Variants in BTRC observed in about 807,000 individuals in gnomAD.
BTRC encodes the protein F-box/WD repeat-containing protein 1A.
A neutral mutation model predicts 85.5 loss-of-function variants in BTRC; 42 were observed. The observed-to-expected ratio is 0.49, with a 90% confidence interval of 0.38 to 0.64. The LOEUF is 0.64. Among genes scored for constraint, BTRC ranks in the 30% least tolerant of loss-of-function variants. BTRC has a pLI of 0.00. For missense variants in BTRC, 594 were observed against 743.5 expected (o/e 0.80, Z 2.34); for synonymous variants, 255 against 263.3 (o/e 0.97, Z 0.30).
At chr10:101,536,755 T>C (rs1399391580) in intron 12 of BTRC, 102 bp downstream of exon 12, 11 of 833,390 alleles carry the variant, frequency 1.3e-5, no homozygotes, top group Admixed American at 5.0e-5. Context: ...TAAAAGCTTA[T>C]AGATTTTACA....
intron 3 of BTRC, 64 bp downstream of exon 3, chr10:101,462,122 A>C (rs1406321632): frequency 4.9e-6 from 5 of 1,014,472 alleles, no homozygotes; most frequent in Middle Eastern, 2.2e-4. Context: ...ACAGGAGGAA[A>C]CCCTTGATTT....
chr10:101,543,377 A>G (rs753570822), intron 13 of BTRC, among the ~76,000 whole-genome samples: 9 of 150,898 alleles, frequency 6.0e-5, no homozygotes, highest in Non-Finnish European at 8.8e-5. Context: ...GTATCTTACT[A>G]TATTCTTTTA....
At chr10:101,546,959 C>T (rs1173287396) in intron 13 of BTRC, among the ~76,000 whole-genome samples, 4 of 152,214 alleles carry the variant, frequency 2.6e-5, no homozygotes, top group Non-Finnish European at 4.4e-5. Flanking sequence ...TATCAATTTT[C>T]TGTTATCTCT....
chr10:101,478,626 A>C (rs1359319391), intron 3 of BTRC, among the ~76,000 whole-genome samples: 2 of 151,702 alleles, frequency 1.3e-5, no homozygotes, highest in Admixed American at 1.3e-4. Context: ...CCCCATCTCT[A>C]CAAAAAATAC....
intron 2 of BTRC, among the ~76,000 whole-genome samples, chr10:101,441,569 T>C (rs1293948321): frequency 6.6e-6 from 1 of 152,154 alleles, no homozygotes; most frequent in Non-Finnish European, 1.5e-5. Flanking sequence ...TGCTTTTACT[T>C]TGTTGGTTCT....
chr10:101,389,277 A>T (rs191288952), intron 1 of BTRC, among the ~76,000 whole-genome samples: 1 of 151,550 alleles, frequency 6.6e-6, no homozygotes, highest in Non-Finnish European at 1.5e-5. Context: ...TATCTGTTCT[A>T]CTTCCAAAAT....
intron 1 of BTRC, among the ~76,000 whole-genome samples, chr10:101,369,252 C>T (rs373340953): frequency 2.3e-4 from 35 of 151,096 alleles, no homozygotes; most frequent in African/African-American, 8.5e-4. Flanking sequence ...GGTTCTTGCC[C>T]TCTTGTCCAG....
Position 101,502,106 on chromosome 10 carries a change from A to G in BTRC, c.325-19533A>G, listed in dbSNP as rs926074221. On this transcript the variant is annotated intron_variant, in intron 4 of 14. Transcript: ENST00000370187. ...AGTTTTTCTGCCTATTTCTGAGAGA[A>G]AGGAAAGTGGATGCTGACAACAGCC... Among the ~76,000 whole-genome samples the G allele has an allele frequency of 2.6e-5, 4 of 152,190 alleles. 1 individual carries two copies. The highest frequency in any genetic ancestry group is 9.7e-5 in the African/African-American group (4 of 41,446).
At chr10:101,366,376 A>T (rs1394896064) in intron 1 of BTRC, among the ~76,000 whole-genome samples, 1 of 152,146 alleles carries the variant, frequency 6.6e-6, no homozygotes, top group African/African-American at 2.4e-5. Context: ...CTAGAGCTTC[A>T]CAATCTAATA....
intron 1 of BTRC, among the ~76,000 whole-genome samples, chr10:101,367,142 C>T (rs1185597952): frequency 1.0e-4 from 14 of 140,544 alleles, no homozygotes; most frequent in African/African-American, 3.7e-4. Flanking sequence ...GCGATCTTGG[C>T]TCACTGCATC....
intron 4 of BTRC, among the ~76,000 whole-genome samples, chr10:101,483,632 C>G (rs1210934917): frequency 6.6e-6 from 1 of 151,982 alleles, no homozygotes; most frequent in Non-Finnish European, 1.5e-5. Context: ...TATTTTATCC[C>G]TATAACTTAA....
At chr10:101,532,518 A>C in intron 8 of BTRC, 86 bp downstream of exon 8, 1 of 1,415,894 alleles carries the variant, frequency 7.1e-7, no homozygotes, top group Non-Finnish European at 9.3e-7. Flanking sequence ...AACTCTAAGC[A>C]TTATTTCTAG....
At chr10:101,397,717 T>G (rs1439758528) in intron 1 of BTRC, among the ~76,000 whole-genome samples, 2 of 152,254 alleles carry the variant, frequency 1.3e-5, no homozygotes. Flanking sequence ...AATTTTCATT[T>G]TTTTCATACC....
At chr10:101,479,207 G>T (rs1945773243) in intron 3 of BTRC, among the ~76,000 whole-genome samples, 161 bp from the exon 4 acceptor site, 1 of 127,022 alleles carries the variant, frequency 7.9e-6, no homozygotes, top group Non-Finnish European at 1.9e-5. Flanking sequence ...CTCTATCTTT[G>T]CCCTCCTCCT....
intron 1 of BTRC, among the ~76,000 whole-genome samples, chr10:101,402,509 G>A (rs943281341): frequency 1.3e-5 from 2 of 151,950 alleles, no homozygotes; most frequent in Non-Finnish European, 2.9e-5. Flanking sequence ...CCCCCTCTTC[G>A]CTTTCTTGTT....
At position 101,430,284 on chromosome 10, in the gene BTRC, C is replaced by G; in HGVS notation, c.49-61C>G. On this transcript the variant is annotated intron_variant, in intron 1 of 14. Coordinates refer to ENST00000370187, the MANE Select transcript of BTRC (RefSeq NM_033637.4). ...TGCGTTCAGCCAAGCCTTAAAAATT[C>G]CTGTAATCTGTGCCATCCTGTCTCA... 6 of 1,172,634 alleles carry G rather than the reference C, an allele frequency of 5.1e-6. 1 individual carries two copies. In the South Asian group the frequency reaches 8.4e-5, roughly 16 times the overall value. 72.6% of individuals were successfully genotyped at this position (1,172,634 alleles called of 1,614,324 possible). A position where few individuals can be genotyped will look rare whatever the true frequency, so the allele number is the denominator to read the frequency against.
intron 2 of BTRC, among the ~76,000 whole-genome samples, chr10:101,443,980 A>G (rs1944758947): frequency 6.6e-6 from 1 of 152,222 alleles, no homozygotes; most frequent in African/African-American, 2.4e-5. Flanking sequence ...TGTATTAAGT[A>G]CTTATATACC....
chr10:101,366,888 TTA>T lies in BTRC; in HGVS notation c.48+12668_48+12669del, dbSNP rs1491225639. 2.2e-3 allele frequency among the ~76,000 whole-genome samples: 53 copies of T among 24,648 alleles called. 5 individuals carry two copies. The highest frequency in any genetic ancestry group is 4.2e-3 in the African/African-American group (38 of 9,126). 16.2% of individuals were successfully genotyped at this position (24,648 alleles called of 152,430 possible). ...TATATTAATATATATTTATATATATTTATATATATTTATATATATTAATATAT... is the reference window on the plus strand; with the variant it reads ...TATATTAATATATATTTATATATATTTATATATTTATATATATTAATATAT... On this transcript the variant is annotated intron_variant, in intron 1 of 14. Transcript: ENST00000370187.
intron 1 of BTRC, among the ~76,000 whole-genome samples, chr10:101,408,910 G>A (rs953197148): frequency 7.9e-5 from 12 of 152,072 alleles, no homozygotes; most frequent in East Asian, 1.9e-4. Flanking sequence ...TTAGCTGGGC[G>A]TGGTGGTGGG....
Sources: allele counts gnomAD v4.1 joint callset (sites outside exome capture counted in the v4.1 genomes callset), GRCh38; gene constraint gnomAD v4.1.1; transcripts MANE v1.5; gene names NCBI Gene and HGNC (gene_info 2026-07-23, HGNC 2026-07-21).